The following ZNF226 variants were observed in gnomAD, a reference collection of about 807,000 sequenced individuals.
ZNF226 encodes the protein zinc finger protein 226, also known as Kruppel-associated box protein.
ZNF226 carries 6 observed loss-of-function variants against 11.4 expected under a neutral mutation model. The observed-to-expected ratio is 0.53, with a 90% CI of 0.29 to 1.04. ZNF226 has a LOEUF of 1.04. ZNF226 is among the 50% of genes least tolerant of loss of function. The pLI, the probability that ZNF226 is intolerant of heterozygous loss-of-function variation, is 0.08. For missense variants in ZNF226, 1,058 were observed against 956.5 expected (o/e 1.11, Z -1.40); for synonymous variants, 350 against 322.8 (o/e 1.08, Z -0.90).
intron 4 of ZNF226, 35 bp from the exon 5 acceptor site, chr19:44,172,825 G>T: frequency 6.5e-7 from 1 of 1,536,156 alleles, no homozygotes; most frequent in Non-Finnish European, 8.9e-7. Context: ...ACTCTAATAT[G>T]TTCATTTTCA....
At chr19:44,193,401 G>GA in the ZNF226 span, among the ~76,000 whole-genome samples, 4 of 151,126 alleles carry the variant, frequency 2.6e-5, no homozygotes, top group African/African-American at 9.7e-5. Context: ...TTATATTTCT[G>GA]AAAAAATGGG....
chr19:44,165,542 A>G (rs1157538623), intron 1 of ZNF226: 1 of 152,200 alleles, frequency 6.6e-6, no homozygotes. Context: ...AAAAAGTGTA[A>G]AACTGCCTGG....
chr19:44,188,273 A>G, the ZNF226 span, among the ~76,000 whole-genome samples: 1 of 152,070 alleles, frequency 6.6e-6, no homozygotes, highest in Non-Finnish European at 1.5e-5. Flanking sequence ...CAGTTCTGTC[A>G]ATGTTTGTTT....
the ZNF226 span, among the ~76,000 whole-genome samples, chr19:44,195,870 G>A: frequency 6.6e-6 from 1 of 152,214 alleles, no homozygotes; most frequent in Non-Finnish European, 1.5e-5. Flanking sequence ...TCAATTGAAT[G>A]AAGAAGAAAC....
At chr19:44,186,631 C>T in the ZNF226 span, among the ~76,000 whole-genome samples, 1 of 151,964 alleles carries the variant, frequency 6.6e-6, no homozygotes, top group South Asian at 2.1e-4. Context: ...AAGTCATCTG[C>T]AAATGGAGAA....
the ZNF226 span, among the ~76,000 whole-genome samples, chr19:44,193,865 A>T: frequency 1.1e-4 from 17 of 152,330 alleles, no homozygotes; most frequent in African/African-American, 4.1e-4. Flanking sequence ...TTAAATGTGC[A>T]TGAGAAAGGA....
intron 2 of ZNF226, among the ~76,000 whole-genome samples, chr19:44,166,190 G>C (rs569397652): frequency 2.0e-5 from 3 of 152,080 alleles, no homozygotes; most frequent in Non-Finnish European, 4.4e-5. Context: ...CTCAAGGTCT[G>C]GGCTATTCTA....
chr19:44,178,759 A>T (rs1970859264), downstream of ZNF226, among the ~76,000 whole-genome samples: 1 of 152,196 alleles, frequency 6.6e-6, no homozygotes, highest in Non-Finnish European at 1.5e-5. Context: ...CAAGTAGAAA[A>T]TGTAAGTAGC....
At chr19:44,172,784 C>G (rs531476154) in intron 4 of ZNF226, 76 bp from the exon 5 acceptor site, 1 of 1,176,848 alleles carries the variant, frequency 8.5e-7, no homozygotes, top group East Asian at 2.6e-5. Flanking sequence ...CTTGAATGTG[C>G]AGTTGCAACT....
chr19:44,184,436 C>T, the ZNF226 span, among the ~76,000 whole-genome samples: 3 of 151,920 alleles, frequency 2.0e-5, no homozygotes, highest in Admixed American at 6.6e-5. Context: ...AAAAATTAGC[C>T]GGGTGTGGTG....
the ZNF226 span, among the ~76,000 whole-genome samples, chr19:44,193,850 ATT>A: frequency 6.6e-6 from 1 of 152,194 alleles, no homozygotes; most frequent in South Asian, 2.1e-4. Context: ...TTTGCCAATT[ATT>A]TTTTAAATGT....
At chr19:44,174,633 GT>G (rs796352938) in intron 5 of ZNF226, 58 of 171,794 alleles carry the variant, frequency 3.4e-4, no homozygotes, top group Non-Finnish European at 4.4e-4. Flanking sequence ...TACTTTATCT[GT>G]TTTTTTTTCC....
In ZNF226 at chr19:44,177,407, A is replaced by G. The variant is rs755874951; in HGVS notation, c.2145A>G (p.Gln715=). Residue 715 remains glutamine, a synonymous_variant, in exon 6 of 6, where the codon CAA becomes CAG. Transcript: ENST00000337433. Reference sequence around the variant, plus strand: ...ACTTCAGTCAGGCCTCAAGTCTTCAACTTCATCAGAGTGTCCACACAGGAG... The same window carrying G: ...ACTTCAGTCAGGCCTCAAGTCTTCAGCTTCATCAGAGTGTCCACACAGGAG... The part of the protein sequence containing the change: ...GKYFSQASSL[Q]LHQSVHTGEK... 19 of 1,613,940 alleles carry G rather than the reference A, an allele frequency of 1.2e-5. No homozygotes were observed. Among genetic ancestry groups the G allele is most frequent in the African/African-American group, 5.3e-5 (4 of 74,882 alleles).
chr19:44,189,238 A>G, the ZNF226 span, among the ~76,000 whole-genome samples: 1 of 152,244 alleles, frequency 6.6e-6, no homozygotes, highest in Non-Finnish European at 1.5e-5. Context: ...AAAGAAAGAT[A>G]CGAAGTAAAA....
the ZNF226 span, among the ~76,000 whole-genome samples, chr19:44,193,016 A>G: frequency 3.3e-5 from 5 of 152,272 alleles, no homozygotes; most frequent in Non-Finnish European, 5.9e-5. Context: ...TGTCTGACAA[A>G]TATATCCAGG....
chr19:44,181,353 G>C (rs913143860), downstream of ZNF226, among the ~76,000 whole-genome samples: 1 of 152,188 alleles, frequency 6.6e-6, no homozygotes, highest in Non-Finnish European at 1.5e-5. Flanking sequence ...CTGAACTGCA[G>C]CCTGGTGACA....
At chr19:44,187,073 A>G in the ZNF226 span, among the ~76,000 whole-genome samples, 2 of 151,940 alleles carry the variant, frequency 1.3e-5, no homozygotes, top group African/African-American at 4.8e-5. This position sits in a 1 kb window ranked among gnomAD's most constrained non-coding sequence, Gnocchi z 4.0. Context: ...ATATTGGTCT[A>G]CAGTTTATTT....
At chr19:44,167,720 C>G (rs754361446) in intron 2 of ZNF226, 1 of 152,158 alleles carries the variant, frequency 6.6e-6, no homozygotes, top group African/African-American at 2.4e-5. Flanking sequence ...CCAGTTGTTA[C>G]GTTTGTTTGT....
chr19:44,189,261 T>C, the ZNF226 span, among the ~76,000 whole-genome samples: 1 of 152,210 alleles, frequency 6.6e-6, no homozygotes, highest in Non-Finnish European at 1.5e-5. Context: ...TATACTAATA[T>C]GATCATCCCA....
Sources: gnomAD v4.1 joint callset for allele counts (sites outside exome capture counted in the v4.1 genomes callset) on GRCh38, gnomAD v4.1.1 for gene constraint, Gnocchi (gnomAD v3.1) non-coding constraint, MANE v1.5 for transcripts, NCBI Gene and HGNC (gene_info 2026-07-23, HGNC 2026-07-21) for gene names.